Variants in DENND1A observed in about 807,000 individuals in gnomAD.
DENND1A encodes the protein DENN domain-containing protein 1A.
Under a neutral mutation model 113.7 loss-of-function variants are expected in DENND1A, and 51 were observed. The observed-to-expected ratio is 0.45, with a 90% CI of 0.36 to 0.57. The LOEUF is 0.57. Ranked by LOEUF, DENND1A falls within the 20% of genes least tolerant of loss-of-function variation. The pLI, the probability that DENND1A is intolerant of heterozygous loss-of-function variation, is 0.00. For synonymous variants in DENND1A, 565 were observed against 570.8 expected (o/e 0.99, Z 0.14); for missense variants, 1,258 against 1,395.9 (o/e 0.90, Z 1.57).
In DENND1A at chr9:123,734,989, T is replaced by C. The variant is rs550704316; in HGVS notation, c.302+22714A>G. Among the ~76,000 whole-genome samples the C allele has an allele frequency of 2.6e-5, 4 of 152,274 alleles. No individual in the cohort carries two copies. In the South Asian group the frequency reaches 8.3e-4, roughly 32 times the overall value. On this transcript the variant is annotated intron_variant, in intron 5 of 23. Transcript: ENST00000394215. The stretch of plus-strand genomic sequence containing the variant: ...TCCAAGGACTTATGATTGCTCTCAT[T>C]ACGTAGATGGAGAAGGAGAAGCCAG...
At chr9:123,651,039 T>C (rs2062622268) in intron 9 of DENND1A, among the ~76,000 whole-genome samples, 1 of 151,982 alleles carries the variant, frequency 6.6e-6, no homozygotes, top group Non-Finnish European at 1.5e-5. Flanking sequence ...CAGCATTCAC[T>C]GTAAAATTAT....
intron 8 of DENND1A, 39 bp downstream of exon 8, chr9:123,666,987 G>A: frequency 6.5e-7 from 1 of 1,530,650 alleles, no homozygotes; most frequent in Non-Finnish European, 8.8e-7. Flanking sequence ...AAACAGAGAA[G>A]AATAAAAATT....
chr9:123,540,694 C>T (rs768658185), intron 13 of DENND1A, among the ~76,000 whole-genome samples: 3 of 152,188 alleles, frequency 2.0e-5, no homozygotes, highest in Non-Finnish European at 4.4e-5. Flanking sequence ...TCTGTGAAAC[C>T]AGAGAGACGA....
At chr9:123,768,996 C>A (rs575775714) in intron 4 of DENND1A, among the ~76,000 whole-genome samples, 3 of 151,974 alleles carry the variant, frequency 2.0e-5, no homozygotes, top group South Asian at 2.1e-4. Flanking sequence ...ATAGAAAATT[C>A]TCTTTTTCCC....
At position 123,468,103 on chromosome 9, in the gene DENND1A, T is replaced by C. The variant is rs2049104430; in HGVS notation, c.994-10206A>G. ...CAAGTTCCTAGAAGGCAGGCTCTGA[T>C]TCATGGTCACTCTGAGAAGTGGCAG... On this transcript the variant is annotated intron_variant, in intron 13 of 23. Coordinates refer to ENST00000394215, the MANE Select transcript of DENND1A (RefSeq NM_001352964.2). 3.3e-5 allele frequency among the ~76,000 whole-genome samples: 5 copies of C among 152,134 alleles called. No homozygotes were observed. In the South Asian group the frequency reaches 1.0e-3, roughly 32 times the overall value.
intron 5 of DENND1A, among the ~76,000 whole-genome samples, chr9:123,684,323 G>A (rs1373308518): frequency 2.6e-5 from 4 of 152,064 alleles, no homozygotes; most frequent in African/African-American, 4.8e-5. Flanking sequence ...CCTCTCTTCA[G>A]AAGATACTCT....
At position 123,408,436 on chromosome 9, in the gene DENND1A, G is replaced by A. The variant is rs543751999; in HGVS notation, c.1542+3340C>T. On this transcript the variant is annotated intron_variant, in intron 20 of 23. Transcript: ENST00000394215. ...GGGGACATGCCAGGGACTGTGCTAG[G>A]TGCTATACATACACAACCTCATTAC... is the stretch of plus-strand genomic sequence containing the variant. Among the ~76,000 whole-genome samples the A allele has an allele frequency of 2.2e-4, 33 of 152,280 alleles. No homozygotes were observed. The East Asian group carries it at 5.8e-3, about 27-fold the overall frequency.
chr9:123,739,480 G>C (rs982958349), intron 5 of DENND1A, among the ~76,000 whole-genome samples: 12 of 152,166 alleles, frequency 7.9e-5, no homozygotes, highest in Non-Finnish European at 1.8e-4. Flanking sequence ...TCAGATTTTA[G>C]AGCACCTGGG....
At chr9:123,795,070 T>A (rs1320532626) in intron 2 of DENND1A, among the ~76,000 whole-genome samples, 1 of 152,218 alleles carries the variant, frequency 6.6e-6, no homozygotes, top group African/African-American at 2.4e-5. Flanking sequence ...AGTATACAAC[T>A]CTTGGTTTCT....
intron 2 of DENND1A, among the ~76,000 whole-genome samples, chr9:123,876,323 G>A (rs1847458313): frequency 1.3e-5 from 2 of 152,190 alleles, no homozygotes; most frequent in Admixed American, 6.5e-5. Context: ...CTGGGTCATA[G>A]GGAAAATGCT....
rs766557790 is a variant in DENND1A, at chr9:123,403,408, G to A, written c.1625C>T (p.Pro542Leu). 1 of 1,614,128 alleles carries A rather than the reference G, an allele frequency of 6.2e-7. No individual in the cohort carries two copies. Among genetic ancestry groups the A allele is most frequent in the South Asian group, 1.1e-5 (1 of 91,044 alleles). ...VEGRRTSVPS[P>L]EHLVKPLRHY... is the part of the protein sequence containing the mutation. Reference sequence around the variant, plus strand: ...GGAGAGGCACAATACTCACTGCTCAGGGCTCGGCACAGACGTCCTCCGGCC... The same window carrying A: ...GGAGAGGCACAATACTCACTGCTCAAGGCTCGGCACAGACGTCCTCCGGCC... Residue 542 changes from proline to leucine, a missense_variant, in exon 21 of 24, where the codon CCT (proline) becomes CTT (leucine). Coordinates refer to ENST00000394215, the MANE Select transcript of DENND1A (RefSeq NM_001352964.2).
At chr9:123,625,907 CGTGCGACAGG>C (rs2061188587) in intron 10 of DENND1A, among the ~76,000 whole-genome samples, 1 of 152,276 alleles carries the variant, frequency 6.6e-6, no homozygotes, top group Middle Eastern at 3.4e-3. Flanking sequence ...CAGGGGGAAC[CGTGCGACAGG>C]GTCTCATTCT....
At chr9:123,521,725 C>T (rs551396182) in intron 13 of DENND1A, among the ~76,000 whole-genome samples, 3 of 152,240 alleles carry the variant, frequency 2.0e-5, no homozygotes, top group South Asian at 2.1e-4. Context: ...TCTCAGAATC[C>T]GTCACAGTGA....
chr9:123,439,290 C>T lies in DENND1A; in HGVS notation c.1488+1070G>A, dbSNP rs546872881. ...TAAAATCAGAAAAGGGGATGAACCT[C>T]CCCAAGTTAAAGATGTATAAACATA... On this transcript the variant is annotated intron_variant, in intron 19 of 23. Transcript: ENST00000394215. 5.9e-5 allele frequency among the ~76,000 whole-genome samples: 9 copies of T among 152,306 alleles called. 1 individual carries two copies. In the South Asian group the frequency reaches 1.9e-3, roughly 32 times the overall value.
At chr9:123,922,542 T>C (rs898932118) in intron 1 of DENND1A, among the ~76,000 whole-genome samples, 3 of 152,256 alleles carry the variant, frequency 2.0e-5, no homozygotes, top group Non-Finnish European at 4.4e-5. Context: ...TCTAAACTGC[T>C]GCTGCCAGGG....
intron 5 of DENND1A, among the ~76,000 whole-genome samples, chr9:123,737,052 G>A (rs1192397467): frequency 6.6e-6 from 1 of 152,234 alleles, no homozygotes; most frequent in African/African-American, 2.4e-5. Flanking sequence ...TGAAGTCAAT[G>A]AGGTGAGCTA....
At chr9:123,757,918 C>A in intron 4 of DENND1A, 96 bp from the exon 5 acceptor site, 1 of 1,450,506 alleles carries the variant, frequency 6.9e-7, no homozygotes, top group Non-Finnish European at 9.3e-7. Context: ...ATAACATTTC[C>A]TCTCTCAGTG....
At chr9:123,536,729 T>C (rs929655927) in intron 13 of DENND1A, among the ~76,000 whole-genome samples, 6 of 151,838 alleles carry the variant, frequency 4.0e-5, no homozygotes, top group Admixed American at 2.0e-4. Flanking sequence ...CTGCTGGGAA[T>C]GGAACCAAGA....
intron 13 of DENND1A, among the ~76,000 whole-genome samples, chr9:123,556,294 G>A (rs2057410234): frequency 6.6e-6 from 1 of 152,200 alleles, no homozygotes; most frequent in East Asian, 1.9e-4. Context: ...GGAGGGTGGG[G>A]TTAGGACGCT....
Sources: allele counts gnomAD v4.1 joint callset (sites outside exome capture counted in the v4.1 genomes callset), GRCh38; gene constraint gnomAD v4.1.1; transcripts MANE v1.5; gene names NCBI Gene and HGNC (gene_info 2026-07-23, HGNC 2026-07-21).